Variants in COL23A1 observed in about 807,000 individuals in gnomAD.
COL23A1 encodes the protein collagen type XXIII alpha 1 chain.
Under a neutral mutation model 99.3 loss-of-function variants are expected in COL23A1, and 97 were observed. That is an observed-to-expected ratio of 0.98 (90% confidence interval 0.83 to 1.16). The LOEUF is 1.16. Ranked by LOEUF, COL23A1 falls within the 50% of genes most tolerant of loss-of-function variation. The pLI, the probability that COL23A1 is intolerant of heterozygous loss-of-function variation, is 0.00. For synonymous variants in COL23A1, 320 were observed against 308.2 expected (o/e 1.04, Z -0.40); for missense variants, 762 against 757.4 (o/e 1.01, Z -0.07).
intron 2 of COL23A1, among the ~76,000 whole-genome samples, chr5:178,412,324 C>T (rs1252858072): frequency 2.0e-5 from 3 of 152,098 alleles, no homozygotes; most frequent in Non-Finnish European, 4.4e-5. Flanking sequence ...ATATAATAAT[C>T]TGTTAATTGT....
intron 2 of COL23A1, among the ~76,000 whole-genome samples, chr5:178,555,346 A>ACTTTCGGGAAAGAACAAC: frequency 6.6e-6 from 1 of 152,252 alleles, no homozygotes; most frequent in East Asian, 1.9e-4. Flanking sequence ...CCATGCCCCA[A>ACTTTCGGGAAAGAACAAC]TTCTGAGACT....
At chr5:178,266,549 T>C (rs1307074339) in intron 8 of COL23A1, among the ~76,000 whole-genome samples, 1 of 152,076 alleles carries the variant, frequency 6.6e-6, no homozygotes, top group African/African-American at 2.4e-5. Flanking sequence ...CCTTTTGGAA[T>C]ATCAGCTCCA....
chr5:178,291,884 G>T (rs1177465444), intron 3 of COL23A1, among the ~76,000 whole-genome samples: 1 of 152,046 alleles, frequency 6.6e-6, no homozygotes, highest in East Asian at 1.9e-4. Context: ...ATGATGACAT[G>T]GGGGACAGTG....
chr5:178,293,722 G>A (rs1474439218), intron 3 of COL23A1, among the ~76,000 whole-genome samples: 1 of 151,940 alleles, frequency 6.6e-6, no homozygotes, highest in Non-Finnish European at 1.5e-5. Flanking sequence ...CAGCTGGAGG[G>A]GTGAGGGGCA....
chr5:178,584,482 G>A (rs953089218), intron 1 of COL23A1, among the ~76,000 whole-genome samples: 1 of 152,148 alleles, frequency 6.6e-6, no homozygotes, highest in African/African-American at 2.4e-5. Flanking sequence ...GATTATAGGT[G>A]TGAACCACCA....
At chr5:178,297,800 G>T (rs1408083727) in intron 3 of COL23A1, among the ~76,000 whole-genome samples, 2 of 152,166 alleles carry the variant, frequency 1.3e-5, no homozygotes, top group Non-Finnish European at 2.9e-5. Context: ...GTGCTGAATG[G>T]ATGAGGGCTG....
At chr5:178,390,299 G>A (rs1304730275) in intron 2 of COL23A1, among the ~76,000 whole-genome samples, 1 of 152,264 alleles carries the variant, frequency 6.6e-6, no homozygotes. Flanking sequence ...CATGTGGGAT[G>A]TACGGTCATT....
chr5:178,503,048 T>C (rs949027281), intron 2 of COL23A1, among the ~76,000 whole-genome samples: 3 of 152,130 alleles, frequency 2.0e-5, no homozygotes, highest in Non-Finnish European at 2.9e-5. Flanking sequence ...TTCTATTTTA[T>C]AAAAAGGAGA....
rs1052349427 is a variant in COL23A1 at position 178,387,795 on chromosome 5, G to A, written c.362-80876C>T. On this transcript the variant is annotated intron_variant, in intron 2 of 28. Coordinates refer to ENST00000390654, the MANE Select transcript of COL23A1 (RefSeq NM_173465.4). The surrounding 1 kb of genome is among the most constrained non-coding windows in gnomAD (Gnocchi z 4.7). ...CCATTTTCCCCCGCGCTGTGCTTGCGGAGTTTCCCACTCCTCTGTCCCCCA... is the reference window on the plus strand; with the variant it reads ...CCATTTTCCCCCGCGCTGTGCTTGCAGAGTTTCCCACTCCTCTGTCCCCCA... 2.6e-5 allele frequency among the ~76,000 whole-genome samples: 4 copies of A among 152,238 alleles called. No individual in the cohort carries two copies. The highest frequency in any genetic ancestry group is 2.1e-4 in the South Asian group (1 of 4,818).
rs70997606 is a variant in COL23A1 at position 178,517,568 on chromosome 5, G to GTTTTTTTTTTTTTTTTTTTTTTTTTTTT, written c.361+43113_361+43114insAAAAAAAAAAAAAAAAAAAAAAAAAAAA. ...TCTCGGTGACAGCAGTTTTTTTTTT[G>GTTTTTTTTTTTTTTTTTTTTTTTTTTTT]TTTTTTTTTTTGAGATGGAGTCTCA... On this transcript the variant is annotated intron_variant, in intron 2 of 28. Coordinates refer to ENST00000390654, the MANE Select transcript of COL23A1 (RefSeq NM_173465.4). Among the ~76,000 whole-genome samples, 2 of 108,242 alleles carry GTTTTTTTTTTTTTTTTTTTTTTTTTTTT rather than the reference G, an allele frequency of 1.8e-5. 1 individual carries two copies. The highest frequency in any genetic ancestry group is 7.7e-5 in the African/African-American group (2 of 25,918). 71.0% of individuals were successfully genotyped at this position (108,242 alleles called of 152,430 possible). A position where few individuals can be genotyped will look rare whatever the true frequency, so the allele number is the denominator to read the frequency against.
At chr5:178,564,813 G>T (rs1359971409) in intron 1 of COL23A1, among the ~76,000 whole-genome samples, 1 of 152,222 alleles carries the variant, frequency 6.6e-6, no homozygotes, top group Non-Finnish European at 1.5e-5. Flanking sequence ...AAGTGGTTTT[G>T]TTCTGAGGAA....
At chr5:178,328,841 A>T (rs1443859129) in intron 2 of COL23A1, among the ~76,000 whole-genome samples, 1 of 152,212 alleles carries the variant, frequency 6.6e-6, no homozygotes, top group Non-Finnish European at 1.5e-5. Flanking sequence ...AAGGGTGGAG[A>T]CTGAATGTAC....
intron 2 of COL23A1, among the ~76,000 whole-genome samples, chr5:178,467,668 G>A (rs746218406): frequency 1.1e-4 from 16 of 152,166 alleles, no homozygotes; most frequent in Non-Finnish European, 2.2e-4. Context: ...CACCCGCTTC[G>A]TGATTTCTGC....
rs563255101 is a variant in COL23A1 at position 178,256,870 on chromosome 5, G to A, written c.833C>T (p.Pro278Leu). The A allele has an allele frequency of 2.6e-5, 42 of 1,612,864 alleles. No individual in the cohort carries two copies. Among genetic ancestry groups the A allele is most frequent in the Non-Finnish European group, 3.3e-5 (39 of 1,179,590 alleles). Residue 278 changes from proline to leucine, a missense_variant, in exon 14 of 29, where the codon CCG (proline) becomes CTG (leucine). By Grantham distance (98) the Pro-to-Leu change is moderately conservative. Transcript: ENST00000390654. ...AGCAGAGAGCTCTCATGTCACCTTCGGTCCTGGGGCACCGTCCACACCGTT... is the reference window on the plus strand; with the variant it reads ...AGCAGAGAGCTCTCATGTCACCTTCAGTCCTGGGGCACCGTCCACACCGTT... ...GENGVDGAPG[P>L]KGEPGHRGTD...
intron 2 of COL23A1, among the ~76,000 whole-genome samples, chr5:178,425,421 CAAAATAAATAAA>C (rs1411018715): frequency 2.4e-5 from 3 of 122,742 alleles, no homozygotes; most frequent in Non-Finnish European, 5.1e-5. Flanking sequence ...GACTCCATCT[CAAAATAAATAAA>C]TAAATAAATA....
intron 2 of COL23A1, among the ~76,000 whole-genome samples, chr5:178,498,255 T>TATATATATATATATATATAA (rs1340447435): frequency 1.4e-5 from 1 of 70,934 alleles, no homozygotes; most frequent in African/African-American, 5.9e-5. Flanking sequence ...TATATATATA[T>TATATATATATATATATATAA]ATAAAAGAAC....
chr5:178,358,618 TATGTGTGTATGTGTCTA>T (rs1343223422), intron 2 of COL23A1, among the ~76,000 whole-genome samples: 2 of 149,762 alleles, frequency 1.3e-5, no homozygotes, highest in African/African-American at 2.5e-5. Flanking sequence ...TGCGTGTATG[TATGTGTGTATGTGTCTA>T]GTGTGTGTGT....
At chr5:178,429,211 C>A (rs1420555219) in intron 2 of COL23A1, among the ~76,000 whole-genome samples, 1 of 152,018 alleles carries the variant, frequency 6.6e-6, no homozygotes, top group East Asian at 1.9e-4. Context: ...CGGGAAAGGC[C>A]GGGACTCATC....
intron 2 of COL23A1, among the ~76,000 whole-genome samples, chr5:178,389,257 C>T (rs1043883855): frequency 2.0e-5 from 3 of 152,156 alleles, no homozygotes; most frequent in African/African-American, 7.2e-5. Context: ...CAGCAAAGTC[C>T]CAATGCCCCT....
Sources: allele counts gnomAD v4.1 joint callset (sites outside exome capture counted in the v4.1 genomes callset), GRCh38; gene constraint gnomAD v4.1.1; non-coding constraint Gnocchi (gnomAD v3.1); transcripts MANE v1.5; gene names NCBI Gene and HGNC (gene_info 2026-07-23, HGNC 2026-07-21).